The following SBF2 variants were observed in gnomAD, a reference collection of about 807,000 sequenced individuals.
SBF2 encodes SET binding factor 2.
A neutral mutation model predicts 225.2 loss-of-function variants in SBF2; 112 were observed. The observed-to-expected ratio is 0.50, with a 90% CI of 0.43 to 0.58. SBF2 has a LOEUF of 0.58. Ranked by LOEUF, SBF2 falls within the 20% of genes least tolerant of loss-of-function variation. The pLI, the probability that SBF2 is intolerant of heterozygous loss-of-function variation, is 0.00. For missense variants in SBF2, 1,996 were observed against 2,206.2 expected, an observed-to-expected ratio of 0.90 and a Z score of 1.91; for synonymous variants, 763 against 773.3, an observed-to-expected ratio of 0.99 and a Z score of 0.22.
chr11:10,238,927 A>C (rs1229248437), intron 1 of SBF2, among the ~76,000 whole-genome samples: 5 of 150,810 alleles, frequency 3.3e-5, no homozygotes, highest in Non-Finnish European at 7.4e-5. Context: ...AACAAACAAA[A>C]AATAAATAAG....
intron 19 of SBF2, among the ~76,000 whole-genome samples, chr11:9,854,334 A>C (rs1015687630): frequency 1.3e-5 from 2 of 152,194 alleles, no homozygotes; most frequent in Admixed American, 1.3e-4. Context: ...AAGGGAACAA[A>C]TTTGAAATGG....
intron 9 of SBF2, among the ~76,000 whole-genome samples, chr11:9,997,634 C>T (rs1294094122): frequency 3.3e-5 from 5 of 152,100 alleles, no homozygotes; most frequent in African/African-American, 4.8e-5. Context: ...AAAAATTAGC[C>T]GGGCGTGGTG....
intron 1 of SBF2, among the ~76,000 whole-genome samples, chr11:10,289,434 T>C (rs1964018783): frequency 6.6e-6 from 1 of 152,094 alleles, no homozygotes; most frequent in Admixed American, 6.5e-5. Flanking sequence ...TGTGCAGCCC[T>C]AGCCATGCCC....
chr11:10,267,981 A>G (rs1405458248), intron 1 of SBF2, among the ~76,000 whole-genome samples: 1 of 152,146 alleles, frequency 6.6e-6, no homozygotes, highest in Non-Finnish European at 1.5e-5. Context: ...TACTCACGCT[A>G]AGATTTGGTA....
At chr11:10,049,116 CAA>C (rs1949974087) in intron 2 of SBF2, among the ~76,000 whole-genome samples, 1 of 152,114 alleles carries the variant, frequency 6.6e-6, no homozygotes. Context: ...AGCTTGAATG[CAA>C]AAGCAGGTAT....
chr11:9,897,437 T>C (rs925061262), intron 16 of SBF2, among the ~76,000 whole-genome samples: 2 of 151,950 alleles, frequency 1.3e-5, no homozygotes, highest in Non-Finnish European at 2.9e-5. Flanking sequence ...GGGGTTTAAC[T>C]CCTGACCTCA....
chr11:10,188,522 T>C (rs1307999411), intron 2 of SBF2, among the ~76,000 whole-genome samples: 1 of 152,116 alleles, frequency 6.6e-6, no homozygotes, highest in Non-Finnish European at 1.5e-5. Context: ...AGAAGTGAAG[T>C]ACGTGACTGT....
At chr11:9,911,418 T>C (rs1276915320) in intron 16 of SBF2, among the ~76,000 whole-genome samples, 2 of 151,644 alleles carry the variant, frequency 1.3e-5, no homozygotes, top group Non-Finnish European at 2.9e-5. Flanking sequence ...CTTATAAAGA[T>C]ATAATGAAAG....
intron 20 of SBF2, 39 bp from the exon 21 acceptor site, chr11:9,852,788 A>G: frequency 1.4e-6 from 2 of 1,440,798 alleles, no homozygotes; most frequent in Non-Finnish European, 2.0e-6. Context: ...AAGAACACAG[A>G]CAAGCAGGAT....
chr11:10,132,559 T>C (rs1200803434), intron 2 of SBF2, among the ~76,000 whole-genome samples: 1 of 148,392 alleles, frequency 6.7e-6, no homozygotes, highest in Non-Finnish European at 1.5e-5. Flanking sequence ...GAGTTGTTCG[T>C]TCCTCCCGGT....
At chr11:10,153,086 A>C (rs996453646) in intron 2 of SBF2, among the ~76,000 whole-genome samples, 7 of 152,210 alleles carry the variant, frequency 4.6e-5, no homozygotes, top group African/African-American at 1.4e-4. Flanking sequence ...CATTCTGTAG[A>C]TAGTGGGATG....
intron 2 of SBF2, among the ~76,000 whole-genome samples, chr11:10,177,185 C>T (rs750765646): frequency 8.6e-5 from 13 of 151,950 alleles, no homozygotes; most frequent in East Asian, 3.9e-4. Flanking sequence ...ATTGATGGGA[C>T]GTATCTCAAA....
At position 10,144,589 on chromosome 11, in the gene SBF2, C is replaced by G. The variant is rs1290060245; in HGVS notation, c.141+49313G>C. ...TTTTCACTTTACAAGAACTATGCTT[C>G]TGGCAGAATGTACATGTTTGAGAAA... is the stretch of plus-strand genomic sequence containing the variant. On this transcript the variant is annotated intron_variant, in intron 2 of 39. Coordinates refer to ENST00000256190, the MANE Select transcript of SBF2 (RefSeq NM_030962.4). Among the ~76,000 whole-genome samples, 5 of 152,218 alleles carry G rather than the reference C, an allele frequency of 3.3e-5. No individual in the cohort carries two copies. In the East Asian group the frequency reaches 9.6e-4, roughly 29 times the overall value.
At chr11:9,950,835 G>A (rs774314887) in intron 16 of SBF2, among the ~76,000 whole-genome samples, 2 of 152,168 alleles carry the variant, frequency 1.3e-5, no homozygotes, top group Non-Finnish European at 2.9e-5. Context: ...CTAACCAGCT[G>A]AAGTAAGCAG....
intron 16 of SBF2, chr11:9,957,105 G>A (rs1397115115): frequency 6.6e-6 from 1 of 152,128 alleles, no homozygotes; most frequent in Non-Finnish European, 1.5e-5. Flanking sequence ...CCCTCTGTCA[G>A]TAACATGCTC....
chr11:10,067,208 A>G (rs140501886), intron 2 of SBF2, among the ~76,000 whole-genome samples: 2 of 152,336 alleles, frequency 1.3e-5, no homozygotes, highest in East Asian at 1.9e-4. Flanking sequence ...GGAAAACTAA[A>G]TAAGACCCAA....
chr11:10,187,621 T>A (rs4910095), intron 2 of SBF2, among the ~76,000 whole-genome samples: 1 of 151,658 alleles, frequency 6.6e-6, no homozygotes, highest in Non-Finnish European at 1.5e-5. Flanking sequence ...TAATCAGACA[T>A]CACTCTTGTT....
intron 8 of SBF2, among the ~76,000 whole-genome samples, chr11:9,999,324 TG>T (rs1947849531): frequency 4.5e-5 from 6 of 134,410 alleles, no homozygotes; most frequent in East Asian, 4.7e-4. Context: ...TATGTATGTA[TG>T]TATGTATTTA....
intron 13 of SBF2, among the ~76,000 whole-genome samples, chr11:9,984,616 G>C (rs913117590): frequency 5.3e-5 from 8 of 152,124 alleles, no homozygotes; most frequent in African/African-American, 1.7e-4. Flanking sequence ...TCTTCGCCTA[G>C]GCACATTGTC....
Sources: allele counts gnomAD v4.1 joint callset (sites outside exome capture counted in the v4.1 genomes callset), GRCh38; gene constraint gnomAD v4.1.1; transcripts MANE v1.5; gene names NCBI Gene and HGNC (gene_info 2026-07-23, HGNC 2026-07-21).